CPVL: variants seen among roughly 807,000 people sequenced by gnomAD.
The protein encoded by CPVL is probable serine carboxypeptidase CPVL.
CPVL carries 51 observed loss-of-function variants against 63.7 expected under a neutral mutation model. The ratio of observed to expected loss-of-function variants is 0.80; its 90% CI spans 0.64 to 1.01. The LOEUF (loss-of-function observed/expected upper bound fraction) is 1.01. Ranked by LOEUF, CPVL falls within the 50% of genes least tolerant of loss-of-function variation. CPVL has a pLI of 0.00. For missense variants in CPVL, 530 were observed against 573.1 expected (o/e 0.92, Z 0.77); for synonymous variants, 195 against 206.0 (o/e 0.95, Z 0.46).
upstream of CPVL, chr7:29,148,474 C>T (rs1336104475): frequency 6.6e-6 from 1 of 152,224 alleles, no homozygotes; most frequent in South Asian, 2.1e-4. Flanking sequence ...TGTTGAATAA[C>T]ACGTTTTAAC....
intron 1 of CPVL, among the ~76,000 whole-genome samples, chr7:29,187,419 A>G: frequency 6.6e-6 from 1 of 151,872 alleles, no homozygotes; most frequent in Middle Eastern, 3.2e-3. Flanking sequence ...TATACATGCC[A>G]CTTCCTAAAG....
chr7:29,092,525 G>T, intron 6 of CPVL, 98 bp downstream of exon 6: 3 of 778,130 alleles, frequency 3.9e-6, no homozygotes, highest in East Asian at 2.6e-5. Flanking sequence ...GGACTATAAG[G>T]CTCAGTCAAT....
chr7:29,119,485 C>CAAAAAAAAA (rs372819031), intron 2 of CPVL, among the ~76,000 whole-genome samples: 1 of 101,384 alleles, frequency 9.9e-6, no homozygotes, highest in Non-Finnish European at 1.9e-5. Flanking sequence ...GATTCTGTCT[C>CAAAAAAAAA]AAAAAAAAAA....
At chr7:29,174,153 G>A (rs1460153925) in intron 5 of CPVL, among the ~76,000 whole-genome samples, 5 of 152,220 alleles carry the variant, frequency 3.3e-5, no homozygotes, top group South Asian at 2.1e-4. Context: ...TGGTGGCACA[G>A]GATGCAGGAG....
intron 5 of CPVL, among the ~76,000 whole-genome samples, chr7:29,162,642 C>G (rs1487502679): frequency 2.8e-5 from 3 of 107,382 alleles, no homozygotes; most frequent in Admixed American, 2.5e-4. Flanking sequence ...GCCTGGGCAA[C>G]AAGAGTGAAA....
chr7:29,039,661 G>GT (rs1190308094), intron 11 of CPVL, among the ~76,000 whole-genome samples: 4 of 150,936 alleles, frequency 2.7e-5, no homozygotes, highest in African/African-American at 9.8e-5. Flanking sequence ...TTTTGTTGTG[G>GT]TTAAAAAAAA....
At chr7:29,146,813 T>G, upstream of CPVL, 5 of 1,550,372 alleles carry the variant, frequency 3.2e-6, no homozygotes, top group Non-Finnish European at 4.4e-6. Flanking sequence ...TCTTAAAATT[T>G]CAACCCTGTA....
chr7:29,111,745 C>T (rs1399672399), intron 3 of CPVL, among the ~76,000 whole-genome samples: 3 of 152,154 alleles, frequency 2.0e-5, no homozygotes, highest in Non-Finnish European at 2.9e-5. Flanking sequence ...TCAATAGTAC[C>T]AGGAGAAACA....
intron 12 of CPVL, chr7:29,010,618 CCTAT>C (rs1258271198): frequency 6.6e-5 from 10 of 152,272 alleles, no homozygotes; most frequent in African/African-American, 2.4e-4. Flanking sequence ...TAGTTTCAGG[CCTAT>C]CTGACAGACA....
intron 3 of CPVL, among the ~76,000 whole-genome samples, chr7:29,098,865 C>A (rs1348965474): frequency 6.6e-6 from 1 of 152,068 alleles, no homozygotes; most frequent in Non-Finnish European, 1.5e-5. Flanking sequence ...GAGTTCGAGA[C>A]CAGCCTGACC....
Position 28,995,706 on chromosome 7 carries a change from T to G in CPVL, c.*66A>C. 2 of 943,690 alleles carry G rather than the reference T, an allele frequency of 2.1e-6. No individual in the cohort carries two copies. The highest frequency in any genetic ancestry group is 1.6e-6 in the Non-Finnish European group (1 of 610,646). The allele number at this position is 943,690 out of a possible 1,614,324, so 58.5% of individuals were successfully genotyped here. A position where few individuals can be genotyped will look rare whatever the true frequency, so the allele number is the denominator to read the frequency against. On this transcript the variant is annotated 3_prime_UTR_variant, in exon 13 of 13. Transcript: ENST00000265394. ...AGATAATTTTTTTATTCCTATGACA[T>G]TTTCTGTTTTTACGATTTTCTTTTC...
At chr7:29,164,673 C>T (rs566897657) in intron 5 of CPVL, among the ~76,000 whole-genome samples, 1 of 150,760 alleles carries the variant, frequency 6.6e-6, no homozygotes, top group Non-Finnish European at 1.5e-5. Context: ...CCCAGCATCC[C>T]TGGTGGCTGA....
At chr7:29,144,873 C>T (rs10486607) in intron 1 of CPVL, among the ~76,000 whole-genome samples, 17,120 of 152,132 alleles carry the variant, frequency 0.11, 1,064 homozygotes, top group Non-Finnish European at 0.14. Context: ...CAAAACCCAC[C>T]TATTTCTCAG....
chr7:29,095,793 G>T (rs751057558), intron 4 of CPVL, among the ~76,000 whole-genome samples: 6 of 152,094 alleles, frequency 3.9e-5, no homozygotes, highest in Non-Finnish European at 4.4e-5. Flanking sequence ...TTAGTCCACT[G>T]CAAAGAGCTG....
intron 9 of CPVL, among the ~76,000 whole-genome samples, chr7:29,068,691 T>C (rs1273901328): frequency 1.3e-4 from 20 of 151,216 alleles, no homozygotes; most frequent in African/African-American, 4.9e-4. Context: ...TCTTTTTTTT[T>C]TTCTTTGTTT....
Position 29,107,148 on chromosome 7 carries a change from C to A in CPVL, c.288+5556G>T, listed in dbSNP as rs145877169. On this transcript the variant is annotated intron_variant, in intron 3 of 12. Coordinates refer to ENST00000265394, the MANE Select transcript of CPVL (RefSeq NM_031311.5). ...CCTCAGACTGAAAGATTCAAGAGAC[C>A]AAGGCACAAGTAATATTGCCCTTTA... Among the ~76,000 whole-genome samples, 495 of 152,318 alleles carry A rather than the reference C, an allele frequency of 3.2e-3. 2 individuals carry two copies. Among genetic ancestry groups the A allele is most frequent in the Non-Finnish European group, 5.3e-3 (362 of 68,034 alleles).
intron 1 of CPVL, among the ~76,000 whole-genome samples, chr7:29,143,993 G>T (rs1792178693): frequency 6.6e-6 from 1 of 152,134 alleles, no homozygotes; most frequent in Non-Finnish European, 1.5e-5. Context: ...TTACATCTTT[G>T]AGCTTGCAAA....
At chr7:29,025,465 G>A (rs1010567497) in intron 12 of CPVL, among the ~76,000 whole-genome samples, 2 of 152,140 alleles carry the variant, frequency 1.3e-5, no homozygotes, top group African/African-American at 4.8e-5. Flanking sequence ...AGGGATTGGT[G>A]CAAAGCCATT....
chr7:29,088,175 C>T (rs1446503795), intron 6 of CPVL, among the ~76,000 whole-genome samples: 1 of 152,168 alleles, frequency 6.6e-6, no homozygotes, highest in African/African-American at 2.4e-5. Context: ...CAAATGAAAA[C>T]ATAAGACATG....
Sources: gnomAD v4.1 joint callset for allele counts (sites outside exome capture counted in the v4.1 genomes callset) on GRCh38, gnomAD v4.1.1 for gene constraint, MANE v1.5 for transcripts, NCBI Gene and HGNC (gene_info 2026-07-23, HGNC 2026-07-21) for gene names.